The following SMAP1 variants were observed in gnomAD, a reference collection of about 807,000 sequenced individuals.
SMAP1 encodes small ArfGAP 1, also known as stromal membrane-associated protein 1.
Under a neutral mutation model 58.5 loss-of-function variants are expected in SMAP1, and 24 were observed. The ratio of observed to expected loss-of-function variants is 0.41; its 90% CI spans 0.30 to 0.58. The LOEUF (loss-of-function observed/expected upper bound fraction) is 0.58, where lower values mean the gene tolerates loss of function less well. Ranked by LOEUF, SMAP1 falls within the 20% of genes least tolerant of loss-of-function variation. The pLI is 0.29. For missense variants in SMAP1, 563 were observed against 566.3 expected (o/e 0.99, Z 0.06); for synonymous variants, 216 against 196.6 (o/e 1.10, Z -0.82).
At position 70,768,282 on chromosome 6, in the gene SMAP1, A is replaced by G. The variant is rs1160141511; in HGVS notation, c.339-5068A>G. 2.6e-5 allele frequency among the ~76,000 whole-genome samples: 4 copies of G among 152,032 alleles called. No individual in the cohort carries two copies. In the East Asian group the frequency reaches 7.7e-4, roughly 29 times the overall value. On this transcript the variant is annotated intron_variant, in intron 3 of 10. Coordinates refer to ENST00000370455, the MANE Select transcript of SMAP1 (RefSeq NM_001044305.3). ...GACCTCATAAAATGAGTTAGGGAGG[A>G]TTCCCTCTTTTTCTATTGATTGGAA... is the stretch of plus-strand genomic sequence containing the variant.
intron 1 of SMAP1, among the ~76,000 whole-genome samples, chr6:70,690,462 A>G (rs1345246510): frequency 1.3e-5 from 2 of 151,816 alleles, no homozygotes; most frequent in African/African-American, 2.4e-5. Flanking sequence ...ATGCACCACC[A>G]CGGTCAGCTA....
chr6:70,836,888 T>A, intron 6 of SMAP1, 53 bp from the exon 7 acceptor site: 2 of 1,412,622 alleles, frequency 1.4e-6, no homozygotes, highest in Non-Finnish European at 1.9e-6. Context: ...GGGCTTAAAA[T>A]CTTGTTAAAT....
chr6:70,831,301 G>A (rs1359953989), intron 6 of SMAP1, among the ~76,000 whole-genome samples: 1 of 152,004 alleles, frequency 6.6e-6, no homozygotes, highest in Non-Finnish European at 1.5e-5. Context: ...AGGGGTACAT[G>A]TGCAGGTTTT....
chr6:70,771,847 C>T (rs1018973183), intron 3 of SMAP1, among the ~76,000 whole-genome samples: 2 of 152,218 alleles, frequency 1.3e-5, no homozygotes, highest in Admixed American at 6.5e-5. Flanking sequence ...CTGCGTCGCT[C>T]ACGCTGGGAG....
chr6:70,831,861 G>C (rs992889691), intron 6 of SMAP1, among the ~76,000 whole-genome samples: 2 of 152,120 alleles, frequency 1.3e-5, no homozygotes, highest in African/African-American at 4.8e-5. Context: ...CACAATGACT[G>C]GACTAATTTA....
At chr6:70,673,617 T>G (rs541735893) in intron 1 of SMAP1, among the ~76,000 whole-genome samples, 4 of 152,242 alleles carry the variant, frequency 2.6e-5, no homozygotes, top group Non-Finnish European at 5.9e-5. Context: ...TGGTGTTTAT[T>G]ATGATGTTGA....
intron 3 of SMAP1, among the ~76,000 whole-genome samples, chr6:70,766,626 A>T (rs1445753491): frequency 6.6e-6 from 1 of 151,986 alleles, no homozygotes; most frequent in Admixed American, 6.6e-5. Context: ...GTTTGAGTTC[A>T]TTGTAGATTC....
chr6:70,701,390 C>G (rs1262749624), intron 1 of SMAP1, among the ~76,000 whole-genome samples: 2 of 152,140 alleles, frequency 1.3e-5, no homozygotes, highest in Non-Finnish European at 2.9e-5. Flanking sequence ...GTCACGTGCA[C>G]CCAAAGTCCA....
At chr6:70,776,146 A>G (rs1374174199) in intron 4 of SMAP1, among the ~76,000 whole-genome samples, 1 of 152,176 alleles carries the variant, frequency 6.6e-6, no homozygotes, top group Non-Finnish European at 1.5e-5. Flanking sequence ...TAGAGTACTT[A>G]AGGGGTATCC....
chr6:70,814,456 T>TC lies in SMAP1; in HGVS notation c.576+15722dup, dbSNP rs1378002578. Among the ~76,000 whole-genome samples, 9 of 152,286 alleles carry TC rather than the reference T, an allele frequency of 5.9e-5. No individual in the cohort carries two copies. In the East Asian group the frequency reaches 1.7e-3, roughly 29 times the overall value. On this transcript the variant is annotated intron_variant, in intron 6 of 10. Coordinates refer to ENST00000370455, the MANE Select transcript of SMAP1 (RefSeq NM_001044305.3). ...GACTACTATGCAGCCCTGGTTTTTT[T>TC]CCCTGTGCCAATGCTCTCAAGACCT...
intron 2 of SMAP1, among the ~76,000 whole-genome samples, chr6:70,740,358 G>T (rs534205861): frequency 6.6e-6 from 1 of 151,390 alleles, no homozygotes; most frequent in African/African-American, 2.4e-5. Flanking sequence ...TCAGGAGTTC[G>T]AACCAGCCTG....
At chr6:70,853,315 G>T (rs778039465) in intron 8 of SMAP1, among the ~76,000 whole-genome samples, 2 of 151,954 alleles carry the variant, frequency 1.3e-5, no homozygotes, top group Admixed American at 6.6e-5. Flanking sequence ...ACATTACATG[G>T]AATTTTTGTA....
intron 1 of SMAP1, among the ~76,000 whole-genome samples, chr6:70,697,791 T>G (rs1283980685): frequency 1.3e-5 from 2 of 152,204 alleles, no homozygotes; most frequent in Non-Finnish European, 2.9e-5. Flanking sequence ...AAGAGAAAAC[T>G]AATAAAACCT....
At chr6:70,826,331 G>A (rs933438063) in intron 6 of SMAP1, among the ~76,000 whole-genome samples, 3 of 152,152 alleles carry the variant, frequency 2.0e-5, no homozygotes, top group African/African-American at 2.4e-5. Flanking sequence ...GAAGGAAAAT[G>A]TAGTGGATTA....
chr6:70,787,482 CA>C (rs1464167490), intron 4 of SMAP1, among the ~76,000 whole-genome samples: 1 of 151,918 alleles, frequency 6.6e-6, no homozygotes, highest in African/African-American at 2.4e-5. Context: ...TTCTGCACAG[CA>C]AAAGAAACTA....
chr6:70,743,732 T>G (rs1405061399), intron 2 of SMAP1, among the ~76,000 whole-genome samples: 2 of 152,228 alleles, frequency 1.3e-5, no homozygotes, highest in African/African-American at 4.8e-5. Flanking sequence ...TAATTGAGAT[T>G]CAGTTGATGC....
chr6:70,824,929 C>T (rs1770049066), intron 6 of SMAP1, among the ~76,000 whole-genome samples: 1 of 152,160 alleles, frequency 6.6e-6, no homozygotes, highest in African/African-American at 2.4e-5. Context: ...ACACCATTGC[C>T]TTCTTTCTGC....
chr6:70,698,068 C>T (rs186357753), intron 1 of SMAP1, among the ~76,000 whole-genome samples: 3 of 152,266 alleles, frequency 2.0e-5, no homozygotes, highest in African/African-American at 4.8e-5. Flanking sequence ...GAACTTCCTT[C>T]AGCATTTCTT....
intron 6 of SMAP1, among the ~76,000 whole-genome samples, chr6:70,820,534 G>C (rs927169065): frequency 6.6e-6 from 1 of 151,914 alleles, no homozygotes; most frequent in Non-Finnish European, 1.5e-5. Context: ...ATGAAACCCC[G>C]TCTCTACTAA....
Sources: gnomAD v4.1 joint callset for allele counts (sites outside exome capture counted in the v4.1 genomes callset) on GRCh38, gnomAD v4.1.1 for gene constraint, MANE v1.5 for transcripts, NCBI Gene and HGNC (gene_info 2026-07-23, HGNC 2026-07-21) for gene names.